The following LEMD2 variants were observed in gnomAD, a reference collection of about 807,000 sequenced individuals.
LEMD2 encodes the protein LEM domain nuclear envelope protein 2.
LEMD2 carries 34 observed loss-of-function variants against 58.8 expected under a neutral mutation model. That is an observed-to-expected ratio of 0.58 (90% confidence interval 0.44 to 0.77). The LOEUF (loss-of-function observed/expected upper bound fraction) is 0.77, where lower values mean the gene tolerates loss of function less well. Ranked by LOEUF, LEMD2 falls within the 30% of genes least tolerant of loss-of-function variation. LEMD2 has a pLI of 0.00. For missense variants in LEMD2, 629 were observed against 717.9 expected, an observed-to-expected ratio of 0.88 and a Z score of 1.42; for synonymous variants, 298 against 308.9, an observed-to-expected ratio of 0.96 and a Z score of 0.37.
chr6:33,778,221 G>A lies in LEMD2; in HGVS notation c.1156+21C>T, dbSNP rs926784014. On this transcript the variant is annotated intron_variant, in intron 6 of 8. Transcript: ENST00000293760. The surrounding 1 kb of genome is among the most constrained non-coding windows in gnomAD (Gnocchi z 4.7). Reference sequence around the variant, plus strand: ...TATGCTTGACTGCACAGAAGGGGAGGGAAGGCGGCCGAGGACTTACACCAG... The same window carrying A: ...TATGCTTGACTGCACAGAAGGGGAGAGAAGGCGGCCGAGGACTTACACCAG... 3 of 1,565,254 alleles carry A rather than the reference G, an allele frequency of 1.9e-6. No homozygotes were observed. Among genetic ancestry groups the A allele is most frequent in the Non-Finnish European group, 2.6e-6 (3 of 1,153,598 alleles).
In LEMD2 at chr6:33,778,311, T is replaced by C. The variant is rs1767484379; in HGVS notation, c.1087A>G (p.Met363Val). The C allele has an allele frequency of 7.5e-6, 12 of 1,608,830 alleles. No individual in the cohort carries two copies. The highest frequency in any genetic ancestry group is 1.1e-5 in the South Asian group (1 of 90,568). Residue 363 changes from methionine (M) to valine (V), a missense_variant, in exon 6 of 9, where the codon ATG becomes GTG. Around this residue, in one of 2 missense-constraint regions of LEMD2, gnomAD observed 243 missense variants for 336.8 expected, o/e 0.72. Coordinates refer to ENST00000293760, the MANE Select transcript of LEMD2 (RefSeq NM_181336.4). The surrounding 1 kb of genome is among the most constrained non-coding windows in gnomAD (Gnocchi z 4.7). Reference protein sequence around the residue: ...VVCLESAHPRMGVGCRLSRAL... With the variant: ...VVCLESAHPRVGVGCRLSRAL... ...CGGCTCAGGCGGCAGCCAACACCCA[T>C]GCGGGGGTGGGCAGATTCCAGGCAG...
Position 33,772,561 on chromosome 6 carries a change from C to T in LEMD2, c.*67G>A, listed in dbSNP as rs1466230658. 1.3e-6 allele frequency: 2 copies of T among 1,493,864 alleles called. No individual in the cohort carries two copies. The highest frequency in any genetic ancestry group is 9.1e-7 in the Non-Finnish European group (1 of 1,095,938). 92.5% of individuals were successfully genotyped at this position (1,493,864 alleles called of 1,614,324 possible). On this transcript the variant is annotated 3_prime_UTR_variant, in exon 9 of 9. Transcript: ENST00000293760. ...GAATTCAGCACCGCAGGCCTGGTGA[C>T]CCTCCTGTGCCTCTGGAGTGGGCTG...
intron 8 of LEMD2, among the ~76,000 whole-genome samples, chr6:33,774,168 C>CTTT (rs11349649): frequency 7.8e-5 from 9 of 115,362 alleles, no homozygotes; most frequent in Middle Eastern, 5.1e-3. Context: ...TAGGCACTGA[C>CTTT]TTTTTTTTTT....
chr6:33,776,784 A>T lies in LEMD2; in HGVS notation c.1361+170T>A, dbSNP rs1446055716. 1.1e-5 allele frequency: 7 copies of T among 635,816 alleles called. 1 individual carries two copies. The highest frequency in any genetic ancestry group is 7.0e-5 in the South Asian group (4 of 56,888). The allele number at this position is 635,816 out of a possible 1,614,324, so 39.4% of individuals were successfully genotyped here. A position where few individuals can be genotyped will look rare whatever the true frequency, so the allele number is the denominator to read the frequency against. Reference sequence around the variant, plus strand: ...TTTTCTAGCTCATCCTGCCATAAAGAGCCGAGCATGCTGGGGAGCAGCAGG... The same window carrying T: ...TTTTCTAGCTCATCCTGCCATAAAGTGCCGAGCATGCTGGGGAGCAGCAGG... On this transcript the variant is annotated intron_variant, in intron 8 of 8. Coordinates refer to ENST00000293760, the MANE Select transcript of LEMD2 (RefSeq NM_181336.4).
In LEMD2 at chr6:33,778,265, G is replaced by A; in HGVS notation, c.1133C>T (p.Thr378Ile). 6.2e-7 allele frequency: 1 copy of A among 1,604,094 alleles called. No individual in the cohort carries two copies. The highest frequency in any genetic ancestry group is 8.5e-7 in the Non-Finnish European group (1 of 1,174,912). Residue 378 changes from threonine (T) to isoleucine (I), a missense_variant, in exon 6 of 9, where the codon ACC becomes ATC. Physicochemically the swap from Thr to Ile is moderately conservative, Grantham distance 89. Around this residue, in one of 2 missense-constraint regions of LEMD2, gnomAD observed 243 missense variants for 336.8 expected, o/e 0.72. Transcript: ENST00000293760. This position sits in a 1 kb window ranked among gnomAD's most constrained non-coding sequence, Gnocchi z 4.7. ...RLSRALLTAVTNVLIFFWCLA... is the reference protein window; with the variant it reads ...RLSRALLTAVINVLIFFWCLA... ...ACACCAGAAGAAGATGAGCACGTTG[G>A]TGACAGCAGTGAGCAAGGCCCGGCT...
chr6:33,777,005 G>T lies in LEMD2; in HGVS notation c.1310C>A (p.Pro437Gln), dbSNP rs780820243. The T allele has an allele frequency of 6.2e-7, 1 of 1,614,178 alleles. No individual in the cohort carries two copies. Among genetic ancestry groups the T allele is most frequent in the Non-Finnish European group, 8.5e-7 (1 of 1,180,030 alleles). Residue 437 changes from proline to glutamine, a missense_variant, in exon 8 of 9, where the codon CCA (proline) becomes CAA (glutamine). Around this residue, in one of 2 missense-constraint regions of LEMD2, gnomAD observed 243 missense variants for 336.8 expected, o/e 0.72. Coordinates refer to ENST00000293760, the MANE Select transcript of LEMD2 (RefSeq NM_181336.4). ...VDWEQDMERYPYVGILHVRDS... is the reference protein window; with the variant it reads ...VDWEQDMERYQYVGILHVRDS... ...GCGCACGTGCAGGATGCCTACATATGGATAGCGCTCCATGTCCTGCTCCCA... is the reference window on the plus strand; with the variant it reads ...GCGCACGTGCAGGATGCCTACATATTGATAGCGCTCCATGTCCTGCTCCCA...
At position 33,781,115 on chromosome 6, in the gene LEMD2, T is replaced by C; in HGVS notation, c.892A>G (p.Lys298Glu). 1 of 1,613,582 alleles carries C rather than the reference T, an allele frequency of 6.2e-7. No individual in the cohort carries two copies. Among genetic ancestry groups the C allele is most frequent in the Non-Finnish European group, 8.5e-7 (1 of 1,179,586 alleles). ...TGGGCTTCCATAACAGGAATGCATT[T>C]GCTTTTTAGATTCTCTGGATTTCCA... Reference protein sequence around the residue: ...ECGNPENLKSKCIPVMEAQEY... With the variant: ...ECGNPENLKSECIPVMEAQEY... Residue 298 changes from lysine (K) to glutamate (E), a missense_variant, in exon 4 of 9, where the codon AAA (lysine) becomes GAA (glutamate). Lys to Glu is a moderately conservative substitution (Grantham distance 56). Transcript: ENST00000293760.
At chr6:33,782,112 G>A (rs968681890) in intron 3 of LEMD2, 2 of 152,202 alleles carry the variant, frequency 1.3e-5, no homozygotes, top group African/African-American at 4.8e-5. Flanking sequence ...TGACCCCAGG[G>A]GTCCCCTGAG....
chr6:33,781,685 G>C (rs1454235076), intron 3 of LEMD2: 2 of 153,608 alleles, frequency 1.3e-5, no homozygotes, highest in African/African-American at 4.8e-5. Flanking sequence ...TTGGAGGCCT[G>C]CTCCCATAGG....
intron 6 of LEMD2, among the ~76,000 whole-genome samples, chr6:33,777,973 C>T (rs1767475557): frequency 6.6e-6 from 1 of 152,240 alleles, no homozygotes; most frequent in African/African-American, 2.4e-5. Flanking sequence ...CTGCTCAGGC[C>T]AGGCTCCCGC....
In LEMD2 at chr6:33,777,004, T is replaced by C. The variant is rs757659513; in HGVS notation, c.1311A>G (p.Pro437=). 2.8e-5 allele frequency: 46 copies of C among 1,614,068 alleles called. No homozygotes were observed. In the Middle Eastern group the frequency reaches 1.5e-3, roughly 52 times the overall value. ...CGCGCACGTGCAGGATGCCTACATA[T>C]GGATAGCGCTCCATGTCCTGCTCCC... ...VDWEQDMERY[P]YVGILHVRDS... The change falls in exon 8 of 9, where the codon CCA becomes CCG. Residue 437 remains proline (P), a synonymous_variant. Coordinates refer to ENST00000293760, the MANE Select transcript of LEMD2 (RefSeq NM_181336.4).
intron 8 of LEMD2, among the ~76,000 whole-genome samples, chr6:33,775,537 A>T (rs1019469145): frequency 5.9e-5 from 9 of 151,910 alleles, no homozygotes; most frequent in African/African-American, 2.2e-4. Flanking sequence ...CTGGTCTTGA[A>T]CTCATGGGCT....
At chr6:33,777,765 G>A (rs139935783) in intron 6 of LEMD2, among the ~76,000 whole-genome samples, 2,001 of 152,322 alleles carry the variant, frequency 0.013, 52 homozygotes, top group African/African-American at 0.043. Flanking sequence ...GGCCCCCGAT[G>A]TCAGGGGATA....
intron 8 of LEMD2, among the ~76,000 whole-genome samples, chr6:33,775,839 T>G (rs1767417070): frequency 6.6e-6 from 1 of 152,218 alleles, no homozygotes; most frequent in Non-Finnish European, 1.5e-5. Context: ...TGAGTTTGCA[T>G]CTGTGGAGAG....
In LEMD2 at chr6:33,776,668, C is replaced by G. The variant is rs115743137; in HGVS notation, c.1361+286G>C. 794 of 447,326 alleles carry G rather than the reference C, an allele frequency of 1.8e-3. 1 individual carries two copies. Among genetic ancestry groups the G allele is most frequent in the African/African-American group, 0.012 (601 of 50,626 alleles). 27.7% of individuals were successfully genotyped at this position (447,326 alleles called of 1,614,324 possible). A position where few individuals can be genotyped will look rare whatever the true frequency, so the allele number is the denominator to read the frequency against. ...ACTACTTGTGCCCTGGGGGAGGGAGCTGCTATTACTTGGAGCCCAAGGCCT... is the reference window on the plus strand; with the variant it reads ...ACTACTTGTGCCCTGGGGGAGGGAGGTGCTATTACTTGGAGCCCAAGGCCT... On this transcript the variant is annotated intron_variant, in intron 8 of 8. Transcript: ENST00000293760.
chr6:33,775,998 G>A (rs1211654873), intron 8 of LEMD2, among the ~76,000 whole-genome samples: 1 of 152,172 alleles, frequency 6.6e-6, no homozygotes, highest in Non-Finnish European at 1.5e-5. Context: ...GGGCCCTGCT[G>A]GCTGTCTCCT....
At position 33,772,509 on chromosome 6, in the gene LEMD2, G is replaced by A; in HGVS notation, c.*119C>T. 2.2e-6 allele frequency: 2 copies of A among 929,044 alleles called. No homozygotes were observed. The highest frequency in any genetic ancestry group is 1.6e-6 in the Non-Finnish European group (1 of 611,478). The allele number at this position is 929,044 out of a possible 1,614,324, so 57.6% of individuals were successfully genotyped here. A position where few individuals can be genotyped will look rare whatever the true frequency, so the allele number is the denominator to read the frequency against. ...TGGCAGACCTTTGGAATCGTGTCAGGACGAGACTGAAAGTCAAGGCAAGTG... is the reference window on the plus strand; with the variant it reads ...TGGCAGACCTTTGGAATCGTGTCAGAACGAGACTGAAAGTCAAGGCAAGTG... On this transcript the variant is annotated 3_prime_UTR_variant, in exon 9 of 9. Coordinates refer to ENST00000293760, the MANE Select transcript of LEMD2 (RefSeq NM_181336.4).
intron 1 of LEMD2, 143 bp downstream of exon 1, chr6:33,788,238 A>T: frequency 5.7e-6 from 5 of 871,998 alleles, no homozygotes; most frequent in Non-Finnish European, 6.6e-6. Flanking sequence ...CACAGCTGGA[A>T]GAAGGCAGGC....
chr6:33,786,820 G>GAAAGGAATACAA (rs1561928139), intron 1 of LEMD2, 46 bp from the exon 2 acceptor site: 2 of 1,609,498 alleles, frequency 1.2e-6, no homozygotes, highest in Non-Finnish European at 1.7e-6. Context: ...TGTGGGTTGA[G>GAAAGGAATACAA]AAAGGAATAC....
Sources: allele counts gnomAD v4.1 joint callset (sites outside exome capture counted in the v4.1 genomes callset), GRCh38; gene constraint gnomAD v4.1.1; regional missense constraint gnomAD v4.1.1; non-coding constraint Gnocchi (gnomAD v3.1); transcripts MANE v1.5; gene names NCBI Gene and HGNC (gene_info 2026-07-23, HGNC 2026-07-21).